The following PHLPP1 variants were observed in gnomAD, a reference collection of about 807,000 sequenced individuals.
The protein encoded by PHLPP1 is PH domain leucine-rich repeat-containing protein phosphatase 1.
A neutral mutation model predicts 117.2 loss-of-function variants in PHLPP1; 42 were observed. The observed-to-expected ratio is 0.36, with a 90% confidence interval of 0.28 to 0.46. PHLPP1 has a LOEUF of 0.46. Ranked by LOEUF, PHLPP1 falls within the 20% of genes least tolerant of loss-of-function variation. PHLPP1 has a pLI of 1.00. For synonymous variants in PHLPP1, 1,042 were observed against 970.7 expected, an observed-to-expected ratio of 1.07 and a Z score of -1.37; for missense variants, 2,084 against 2,241.9, an observed-to-expected ratio of 0.93 and a Z score of 1.42.
At chr18:62,770,089 G>T (rs865984687) in intron 1 of PHLPP1, among the ~76,000 whole-genome samples, 4 of 151,864 alleles carry the variant, frequency 2.6e-5, no homozygotes, top group Non-Finnish European at 5.9e-5. Context: ...TTTCCTACTA[G>T]TCTTTTTATT....
chr18:62,747,119 G>A (rs1032258800), intron 1 of PHLPP1, among the ~76,000 whole-genome samples: 8 of 151,914 alleles, frequency 5.3e-5, no homozygotes, highest in South Asian at 4.1e-4. Flanking sequence ...GAAAGAATCA[G>A]CATTAGGTTT....
chr18:62,766,703 G>T (rs1267124141), intron 1 of PHLPP1, among the ~76,000 whole-genome samples: 1 of 152,102 alleles, frequency 6.6e-6, no homozygotes, highest in Non-Finnish European at 1.5e-5. Flanking sequence ...TATATCAGCT[G>T]TATATTATAT....
intron 14 of PHLPP1, among the ~76,000 whole-genome samples, chr18:62,965,837 T>TA (rs397807088): frequency 6.4e-4 from 87 of 135,838 alleles, no homozygotes; most frequent in East Asian, 4.0e-3. Context: ...CACTATACTT[T>TA]AAAAAAAAAA....
intron 14 of PHLPP1, 48 bp from the exon 15 acceptor site, chr18:62,972,466 G>A: frequency 6.5e-7 from 1 of 1,547,976 alleles, no homozygotes; most frequent in Middle Eastern, 2.3e-4. Flanking sequence ...GCTGGGCCTG[G>A]AGCAGGAGGA....
intron 2 of PHLPP1, 32 bp from the exon 3 acceptor site, chr18:62,838,752 T>C: frequency 6.2e-7 from 1 of 1,604,360 alleles, no homozygotes. Flanking sequence ...GCTGTCTGAC[T>C]TGTTTCTGCT....
chr18:62,790,034 A>G (rs1460379016), intron 1 of PHLPP1, among the ~76,000 whole-genome samples: 1 of 152,216 alleles, frequency 6.6e-6, no homozygotes, highest in Non-Finnish European at 1.5e-5. Flanking sequence ...ATTATGATGG[A>G]ACAACAGCTA....
At chr18:62,779,379 C>T (rs933767192) in intron 1 of PHLPP1, 2 of 152,108 alleles carry the variant, frequency 1.3e-5, no homozygotes, top group African/African-American at 4.8e-5. Context: ...TGGTACTTGT[C>T]ACCCTGCCTC....
intron 4 of PHLPP1, among the ~76,000 whole-genome samples, chr18:62,872,986 CAAAAAA>C (rs60920082): frequency 1.8e-5 from 1 of 54,812 alleles, no homozygotes; most frequent in South Asian, 7.6e-4. Flanking sequence ...AACTCTGCCT[CAAAAAA>C]AAAAAAAAAA....
rs903505444 is a variant in PHLPP1 at position 62,980,060 on chromosome 18, T to A, written c.*629T>A. On this transcript the variant is annotated 3_prime_UTR_variant, in exon 17 of 17. Coordinates refer to ENST00000262719, the MANE Select transcript of PHLPP1 (RefSeq NM_194449.4). ...GTGAGGCTTACGATGTTTTGTAGTCTTGGCGTAAGGACACAGCCCAAGTAA... is the reference window on the plus strand; with the variant it reads ...GTGAGGCTTACGATGTTTTGTAGTCATGGCGTAAGGACACAGCCCAAGTAA... The A allele has an allele frequency of 2.0e-5, 3 of 152,756 alleles. No homozygotes were observed. The highest frequency in any genetic ancestry group is 7.2e-5 in the African/African-American group (3 of 41,444). 9.5% of individuals were successfully genotyped at this position (152,756 alleles called of 1,614,324 possible).
chr18:62,762,395 C>G (rs1599031859), intron 1 of PHLPP1, among the ~76,000 whole-genome samples: 1 of 140,678 alleles, frequency 7.1e-6, no homozygotes, highest in African/African-American at 2.6e-5. Flanking sequence ...CTTCTGTTTT[C>G]TTGATTTTTA....
intron 1 of PHLPP1, among the ~76,000 whole-genome samples, chr18:62,719,408 G>C (rs906994735): frequency 7.2e-5 from 11 of 152,128 alleles, no homozygotes; most frequent in African/African-American, 2.7e-4. Context: ...TTGAATTTTT[G>C]CAAAGAAGTT....
rs185929953 is a variant in PHLPP1 at position 62,896,143 on chromosome 18, G to A, written c.2444+132G>A. On this transcript the variant is annotated intron_variant, in intron 6 of 16. Transcript: ENST00000262719. ...CCCGTTTTTCTATTTCTGCCTAGAG[G>A]GAAGAATTATGATTAATAGTAGGGT... 2.9e-3 allele frequency: 1,791 copies of A among 617,788 alleles called. 6 individuals are homozygous for A. The highest frequency in any genetic ancestry group is 3.7e-3 in the Non-Finnish European group (1,274 of 348,442). 38.3% of individuals were successfully genotyped at this position (617,788 alleles called of 1,614,324 possible).
At chr18:62,837,400 G>GGC (rs1914935289) in intron 2 of PHLPP1, among the ~76,000 whole-genome samples, 1 of 151,986 alleles carries the variant, frequency 6.6e-6, no homozygotes. Flanking sequence ...CTTAATCTCT[G>GGC]GCGAATCTGT....
At chr18:62,729,022 C>T (rs1418974011) in intron 1 of PHLPP1, among the ~76,000 whole-genome samples, 1 of 152,044 alleles carries the variant, frequency 6.6e-6, no homozygotes, top group African/African-American at 2.4e-5. Flanking sequence ...GTGTTCTAAT[C>T]GTACCCATGG....
At chr18:62,831,222 C>T (rs1914749191) in intron 2 of PHLPP1, among the ~76,000 whole-genome samples, 1 of 151,970 alleles carries the variant, frequency 6.6e-6, no homozygotes, top group South Asian at 2.1e-4. Flanking sequence ...GTAGCATCAC[C>T]ATACTTATAG....
chr18:62,805,159 T>C (rs1913907717), intron 1 of PHLPP1, among the ~76,000 whole-genome samples: 1 of 142,326 alleles, frequency 7.0e-6, no homozygotes, highest in African/African-American at 2.6e-5. Flanking sequence ...TAATATACAC[T>C]GCATAGGTTA....
At chr18:62,724,988 GA>G (rs938069775) in intron 1 of PHLPP1, among the ~76,000 whole-genome samples, 5 of 151,996 alleles carry the variant, frequency 3.3e-5, no homozygotes, top group Admixed American at 6.6e-5. Flanking sequence ...AAAAGTGTTA[GA>G]AAAAAATCAT....
At chr18:62,870,033 C>G (rs1264768690) in intron 4 of PHLPP1, among the ~76,000 whole-genome samples, 1 of 152,170 alleles carries the variant, frequency 6.6e-6, no homozygotes, top group Non-Finnish European at 1.5e-5. Flanking sequence ...GATGGGACTA[C>G]AGGTGCGCGC....
At chr18:62,977,122 C>G (rs1911210811) in intron 16 of PHLPP1, among the ~76,000 whole-genome samples, 1 of 152,236 alleles carries the variant, frequency 6.6e-6, no homozygotes, top group Non-Finnish European at 1.5e-5. Flanking sequence ...TGAAGCCCAT[C>G]TTACTAATTT....
Sources: gnomAD v4.1 joint callset for allele counts (sites outside exome capture counted in the v4.1 genomes callset) on GRCh38, gnomAD v4.1.1 for gene constraint, MANE v1.5 for transcripts, NCBI Gene and HGNC (gene_info 2026-07-23, HGNC 2026-07-21) for gene names.